THAP6: variants seen among roughly 807,000 people sequenced by gnomAD.
The protein encoded by THAP6 is THAP domain-containing protein 6.
A neutral mutation model predicts 20.0 loss-of-function variants in THAP6; 13 were observed. The ratio of observed to expected loss-of-function variants is 0.65; its 90% CI spans 0.42 to 1.03. THAP6 has a LOEUF of 1.03. Ranked by LOEUF, THAP6 falls within the 50% of genes least tolerant of loss-of-function variation. THAP6 has a pLI of 0.00. For missense variants in THAP6, 262 were observed against 261.6 expected (o/e 1.00, Z -0.01); for synonymous variants, 93 against 92.2 (o/e 1.01, Z -0.05).
chr4:75,524,399 C>T (rs1363720879), intron 4 of THAP6, among the ~76,000 whole-genome samples: 1 of 152,126 alleles, frequency 6.6e-6, no homozygotes, highest in Admixed American at 6.5e-5. Flanking sequence ...ATTTCCAGGG[C>T]TTTTCATTCC....
chr4:75,533,812 G>T (rs1368911367), downstream of THAP6, among the ~76,000 whole-genome samples: 2 of 151,868 alleles, frequency 1.3e-5, no homozygotes, highest in Non-Finnish European at 2.9e-5. Context: ...TGCACAACAT[G>T]CAGGTTCCTT....
At chr4:75,516,447 A>G (rs965486432) in intron 2 of THAP6, among the ~76,000 whole-genome samples, 2 of 152,240 alleles carry the variant, frequency 1.3e-5, no homozygotes, top group East Asian at 3.8e-4. Context: ...CCCAAGTGAT[A>G]ATTCTTTTAT....
intron 3 of THAP6, among the ~76,000 whole-genome samples, chr4:75,519,880 T>C (rs1452198666): frequency 2.0e-5 from 3 of 151,874 alleles, no homozygotes; most frequent in Admixed American, 6.6e-5. Flanking sequence ...TATTTCTAGT[T>C]CTAGATCCCT....
At chr4:75,537,847 C>A (rs1045447065) in intron 2 of THAP6, among the ~76,000 whole-genome samples, 2 of 152,098 alleles carry the variant, frequency 1.3e-5, no homozygotes, top group Non-Finnish European at 2.9e-5. Flanking sequence ...ATGTGGACAG[C>A]CTCTAGAAGC....
intron 2 of THAP6, chr4:75,539,871 A>G: frequency 6.5e-7 from 1 of 1,536,100 alleles, no homozygotes; most frequent in South Asian, 1.2e-5. Context: ...ACACAGGAAA[A>G]GGAAACAAGA....
chr4:75,518,720 T>C (rs1243421221), intron 3 of THAP6, among the ~76,000 whole-genome samples: 2 of 152,226 alleles, frequency 1.3e-5, no homozygotes, highest in African/African-American at 4.8e-5. Flanking sequence ...TCCTACACCG[T>C]AGCTTTCAAA....
At position 75,527,557 on chromosome 4, in the gene THAP6, A is replaced by T. The variant is rs1038073308; in HGVS notation, c.*343A>T. On this transcript the variant is annotated 3_prime_UTR_variant, in exon 5 of 5. Coordinates refer to ENST00000311638, the MANE Select transcript of THAP6 (RefSeq NM_144721.6). ...GAAGGAATTGGACACTTCTCCAGAT[A>T]TTTGGCTTCAAAGGAGTACCTTTAC... is the stretch of plus-strand genomic sequence containing the variant. The T allele has an allele frequency of 1.8e-5, 19 of 1,059,240 alleles. No homozygotes were observed. The African/African-American group carries it at 3.2e-4, about 18-fold the overall frequency. 65.6% of individuals were successfully genotyped at this position (1,059,240 alleles called of 1,614,324 possible). A position where few individuals can be genotyped will look rare whatever the true frequency, so the allele number is the denominator to read the frequency against.
Position 75,527,080 on chromosome 4 carries a change from T to C in THAP6, c.535T>C (p.Phe179Leu). 3.1e-6 allele frequency: 5 copies of C among 1,614,080 alleles called. No homozygotes were observed. The highest frequency in any genetic ancestry group is 4.2e-6 in the Non-Finnish European group (5 of 1,179,980). Residue 179 changes from phenylalanine to leucine, a missense_variant, in exon 5 of 5, where the codon TTT (phenylalanine) becomes CTT (leucine). Transcript: ENST00000311638. ...LRNVLDREKR[F>L]QKSLRKTIRE... ...GAATGTTTTAGACCGAGAAAAACGT[T>C]TTCAGAAATCATTGAGGAAGACAAT...
rs1170725460 is a variant in THAP6 at position 75,529,862 on chromosome 4, T to G, written c.*2648T>G. On this transcript the variant is annotated 3_prime_UTR_variant, in exon 5 of 5. Coordinates refer to ENST00000311638, the MANE Select transcript of THAP6 (RefSeq NM_144721.6). ...TAAATTTCTGGAAATAGACTTTGGT[T>G]GCTAATGACAATTACAGTTATACCA... 2 of 984,858 alleles carry G rather than the reference T, an allele frequency of 2.0e-6. No individual in the cohort carries two copies. Among genetic ancestry groups the G allele is most frequent in the Non-Finnish European group, 2.4e-6 (2 of 829,504 alleles). The allele number at this position is 984,858 out of a possible 1,614,324, so 61.0% of individuals were successfully genotyped here. A position where few individuals can be genotyped will look rare whatever the true frequency, so the allele number is the denominator to read the frequency against.
chr4:75,514,400 A>C (rs946503330), upstream of THAP6: 5 of 1,220,030 alleles, frequency 4.1e-6, no homozygotes, highest in African/African-American at 1.5e-5. Flanking sequence ...ACTAGCGACA[A>C]TATGGCTCCT....
In THAP6 at chr4:75,528,756, T is replaced by TTTA; in HGVS notation, c.*1542_*1543insTTA. On this transcript the variant is annotated 3_prime_UTR_variant, in exon 5 of 5. Coordinates refer to ENST00000311638, the MANE Select transcript of THAP6 (RefSeq NM_144721.6). Reference sequence around the variant, plus strand: ...GAAAAAAAAGTAGTAAAAAGGTAGTTAAAAAAAAAAAAGGCCGGGTGGTGG... The same window carrying TTTA: ...GAAAAAAAAGTAGTAAAAAGGTAGTTTTAAAAAAAAAAAAAGGCCGGGTGGTGG... 1.1e-5 allele frequency: 10 copies of TTTA among 902,692 alleles called. No homozygotes were observed. Among genetic ancestry groups the TTTA allele is most frequent in the East Asian group, 2.4e-4 (2 of 8,250 alleles). 55.9% of individuals were successfully genotyped at this position (902,692 alleles called of 1,614,324 possible).
chr4:75,539,772 T>TTA (rs1292893303), intron 2 of THAP6: 9 of 1,514,806 alleles, frequency 5.9e-6, no homozygotes, highest in Non-Finnish European at 7.9e-6. Flanking sequence ...GGTGAGAATT[T>TTA]TATTTCATTG....
intron 4 of THAP6, among the ~76,000 whole-genome samples, chr4:75,522,758 C>G (rs890862098): frequency 6.6e-6 from 1 of 152,078 alleles, no homozygotes; most frequent in Non-Finnish European, 1.5e-5. Context: ...TGTGTTGTTA[C>G]AAATGTCTAA....
downstream of THAP6, among the ~76,000 whole-genome samples, chr4:75,533,075 T>G (rs1289103922): frequency 6.6e-6 from 1 of 152,198 alleles, no homozygotes; most frequent in Non-Finnish European, 1.5e-5. Context: ...TTATTGCAAG[T>G]TGGGCTGCAA....
At position 75,516,803 on chromosome 4, in the gene THAP6, T is replaced by C. The variant is rs912021529; in HGVS notation, c.112T>C (p.Trp38Arg). 1.2e-6 allele frequency: 2 copies of C among 1,613,736 alleles called. No homozygotes were observed. Among genetic ancestry groups the C allele is most frequent in the Admixed American group, 1.7e-5 (1 of 59,972 alleles). Reference sequence around the variant, plus strand: ...CACAGATGAAAACATCAAAAGGAAATGGGTATTAGCAATGAAAAGACTTGA... The same window carrying C: ...CACAGATGAAAACATCAAAAGGAAACGGGTATTAGCAATGAAAAGACTTGA... ...FPTDENIKRK[W>R]VLAMKRLDVN... Residue 38 changes from tryptophan to arginine, a missense_variant, in exon 3 of 5, where the codon TGG becomes CGG. By Grantham distance (101) the Trp-to-Arg change is moderately radical (BLOSUM62 -3). Coordinates refer to ENST00000311638, the MANE Select transcript of THAP6 (RefSeq NM_144721.6).
At chr4:75,525,447 A>G (rs1245253753) in intron 4 of THAP6, among the ~76,000 whole-genome samples, 3 of 152,144 alleles carry the variant, frequency 2.0e-5, no homozygotes, top group Admixed American at 6.5e-5. Flanking sequence ...TACCTCACAC[A>G]TCAGTTATCT....
At chr4:75,531,807 C>T (rs189272917), downstream of THAP6, among the ~76,000 whole-genome samples, 3 of 148,538 alleles carry the variant, frequency 2.0e-5, no homozygotes, top group East Asian at 3.9e-4. Context: ...TTCAAATCAT[C>T]GGATCTCATG....
intron 2 of THAP6, 123 bp from the exon 3 acceptor site, chr4:75,516,649 T>A (rs916991493): frequency 1.3e-5 from 10 of 777,054 alleles, no homozygotes; most frequent in Middle Eastern, 3.7e-4. Context: ...CTAAATATTA[T>A]AATTCTCAAG....
At chr4:75,519,304 T>C (rs1011505864) in intron 3 of THAP6, among the ~76,000 whole-genome samples, 1 of 151,736 alleles carries the variant, frequency 6.6e-6, no homozygotes, top group African/African-American at 2.4e-5. Flanking sequence ...ATTGTGCAGC[T>C]CTGAACATTT....
Sources: gnomAD v4.1 joint callset for allele counts (sites outside exome capture counted in the v4.1 genomes callset) on GRCh38, gnomAD v4.1.1 for gene constraint, MANE v1.5 for transcripts, NCBI Gene and HGNC (gene_info 2026-07-23, HGNC 2026-07-21) for gene names.